Variants in NRXN3 observed in about 807,000 individuals in gnomAD.
The protein encoded by NRXN3 is neurexin 3.
NRXN3 carries 32 observed loss-of-function variants against 137.6 expected under a neutral mutation model. That is an observed-to-expected ratio of 0.23 (90% CI 0.18 to 0.31). NRXN3 has a LOEUF of 0.31. NRXN3 is among the 10% of genes least tolerant of loss of function. The pLI is 1.00. For synonymous variants in NRXN3, 798 were observed against 784.5 expected (o/e 1.02, Z -0.29); for missense variants, 1,574 against 2,062.5 (o/e 0.76, Z 4.59).
chr14:78,632,295 C>A (rs1018148633), intron 4 of NRXN3, among the ~76,000 whole-genome samples: 1 of 151,998 alleles, frequency 6.6e-6, no homozygotes, highest in Non-Finnish European at 1.5e-5. Flanking sequence ...GAAAATCTAG[C>A]CTTGTTGAGC....
intron 15 of NRXN3, among the ~76,000 whole-genome samples, chr14:79,043,098 A>G (rs1194510623): frequency 6.6e-6 from 1 of 152,234 alleles, no homozygotes; most frequent in Non-Finnish European, 1.5e-5. Context: ...TCAAGCAGCC[A>G]GACAATGAAA....
intron 19 of NRXN3, among the ~76,000 whole-genome samples, chr14:79,712,795 C>T (rs964568773): frequency 1.3e-5 from 2 of 152,132 alleles, no homozygotes; most frequent in Admixed American, 1.3e-4. Context: ...GCTGGGCGCT[C>T]GCTGAGCCTG....
chr14:79,227,804 T>TTCCAC (rs2071311377), intron 15 of NRXN3, among the ~76,000 whole-genome samples: 1 of 106,614 alleles, frequency 9.4e-6, no homozygotes, highest in African/African-American at 3.6e-5. Context: ...CTTCCTCCCT[T>TTCCAC]CCTCCCTCCC....
chr14:78,339,295 A>T (rs776785398), intron 4 of NRXN3, among the ~76,000 whole-genome samples: 4 of 152,200 alleles, frequency 2.6e-5, no homozygotes, highest in Non-Finnish European at 4.4e-5. Flanking sequence ...TGAAGCACAG[A>T]AATGTTTAGA....
At chr14:79,072,785 A>G (rs2099689624) in intron 15 of NRXN3, among the ~76,000 whole-genome samples, 1 of 151,990 alleles carries the variant, frequency 6.6e-6, no homozygotes, top group South Asian at 2.1e-4. Flanking sequence ...GTGCCATTCA[A>G]TGACTATATG....
At chr14:79,852,064 G>A (rs1440304728) in intron 20 of NRXN3, among the ~76,000 whole-genome samples, 1 of 151,776 alleles carries the variant, frequency 6.6e-6, no homozygotes, top group Non-Finnish European at 1.5e-5. Context: ...CTTTGACTAA[G>A]CCCAAGAACC....
At chr14:78,274,446 G>A (rs1044225447) in intron 2 of NRXN3, among the ~76,000 whole-genome samples, 5 of 152,186 alleles carry the variant, frequency 3.3e-5, no homozygotes, top group African/African-American at 1.2e-4. Context: ...AGAACAGCAT[G>A]AGTGTAACTG....
chr14:78,855,738 A>G (rs948597982), intron 10 of NRXN3, among the ~76,000 whole-genome samples: 1 of 152,190 alleles, frequency 6.6e-6, no homozygotes, highest in South Asian at 2.1e-4. Context: ...ACTTTGGGGT[A>G]TTGCTCCAGT....
intron 15 of NRXN3, among the ~76,000 whole-genome samples, chr14:79,108,894 G>A (rs560990565): frequency 2.0e-5 from 3 of 152,100 alleles, no homozygotes; most frequent in Non-Finnish European, 4.4e-5. Context: ...GAGAACTAAT[G>A]GGGAGATATC....
chr14:78,693,846 A>C (rs761256024), intron 6 of NRXN3, among the ~76,000 whole-genome samples: 1 of 151,800 alleles, frequency 6.6e-6, no homozygotes, highest in Non-Finnish European at 1.5e-5. Context: ...AAACTTCTAC[A>C]TCAGCTGGAT....
chr14:78,987,920 G>T, intron 14 of NRXN3, 102 bp from the exon 15 acceptor site: 2 of 1,303,908 alleles, frequency 1.5e-6, no homozygotes, highest in Non-Finnish European at 2.1e-6. Flanking sequence ...AATGTTTGGG[G>T]GCATGAGAAT....
chr14:78,785,619 G>A (rs1176609507), intron 8 of NRXN3, among the ~76,000 whole-genome samples: 2 of 152,306 alleles, frequency 1.3e-5, no homozygotes, highest in African/African-American at 4.8e-5. Flanking sequence ...GACAAGAAGT[G>A]TTTATGACTT....
At chr14:78,532,737 CTTCT>C (rs1175544371) in intron 4 of NRXN3, among the ~76,000 whole-genome samples, 1 of 151,978 alleles carries the variant, frequency 6.6e-6, no homozygotes, top group Non-Finnish European at 1.5e-5. Context: ...TCGCTTTCTT[CTTCT>C]TTTTTTTTTC....
At chr14:78,790,803 G>A (rs1433462940) in intron 8 of NRXN3, among the ~76,000 whole-genome samples, 1 of 152,170 alleles carries the variant, frequency 6.6e-6, no homozygotes, top group East Asian at 1.9e-4. Context: ...GGGCTGGTGG[G>A]AGTATAGTGC....
chr14:79,846,539 A>G (rs986736217), intron 20 of NRXN3, among the ~76,000 whole-genome samples: 1 of 152,238 alleles, frequency 6.6e-6, no homozygotes, highest in Admixed American at 6.5e-5. Flanking sequence ...AAAACGTTAC[A>G]GAAGACAGTA....
At chr14:79,760,016 G>A (rs1282093154) in intron 19 of NRXN3, among the ~76,000 whole-genome samples, 1 of 151,634 alleles carries the variant, frequency 6.6e-6, no homozygotes, top group Non-Finnish European at 1.5e-5. Flanking sequence ...GATGATTCCT[G>A]TAGTTGGTCT....
At chr14:78,709,147 C>A in intron 6 of NRXN3, 70 bp from the exon 7 acceptor site, 2 of 1,419,154 alleles carry the variant, frequency 1.4e-6, no homozygotes, top group Non-Finnish European at 1.9e-6. Context: ...TTTCCAGGTG[C>A]CCAGTGAGTG....
At chr14:79,634,184 G>C (rs1468247396) in intron 16 of NRXN3, among the ~76,000 whole-genome samples, 1 of 152,158 alleles carries the variant, frequency 6.6e-6, no homozygotes, top group Non-Finnish European at 1.5e-5. Context: ...AAACAGGGTG[G>C]CTAGCCCTAG....
At chr14:79,679,652 A>G (rs761298762) in intron 17 of NRXN3, among the ~76,000 whole-genome samples, 6 of 152,124 alleles carry the variant, frequency 3.9e-5, no homozygotes, top group Non-Finnish European at 7.4e-5. Flanking sequence ...TAAAAAGCTT[A>G]AAAAAGAAAA....
Sources: allele counts gnomAD v4.1 joint callset (sites outside exome capture counted in the v4.1 genomes callset), GRCh38; gene constraint gnomAD v4.1.1; transcripts MANE v1.5; gene names NCBI Gene and HGNC (gene_info 2026-07-23, HGNC 2026-07-21).